Variants in SLC2A13 observed in about 807,000 individuals in gnomAD.
SLC2A13 encodes the protein proton myo-inositol cotransporter.
A neutral mutation model predicts 64.4 loss-of-function variants in SLC2A13; 32 were observed. That is an observed-to-expected ratio of 0.50 (90% CI 0.37 to 0.67). The LOEUF (loss-of-function observed/expected upper bound fraction) is 0.67. Among genes scored for constraint, SLC2A13 ranks in the 30% least tolerant of loss-of-function variants. The pLI, the probability that SLC2A13 is intolerant of heterozygous loss-of-function variation, is 0.00. For synonymous variants in SLC2A13, 338 were observed against 327.1 expected (o/e 1.03, Z -0.36); for missense variants, 743 against 829.2 (o/e 0.90, Z 1.28).
chr12:39,786,747 C>G (rs1421734933), intron 7 of SLC2A13, among the ~76,000 whole-genome samples: 5 of 152,200 alleles, frequency 3.3e-5, no homozygotes, highest in Non-Finnish European at 5.9e-5. Context: ...GAATCATTCT[C>G]TGTACTATCT....
chr12:39,896,103 T>C (rs1020263554), intron 4 of SLC2A13, among the ~76,000 whole-genome samples: 20 of 146,652 alleles, frequency 1.4e-4, no homozygotes, highest in African/African-American at 5.2e-4. Context: ...TACACGTGTA[T>C]ACATATATGA....
In SLC2A13 at chr12:39,959,775, AGG is replaced by A. The variant is rs1400524329; in HGVS notation, c.926-8412_926-8411del. 3.1e-4 allele frequency among the ~76,000 whole-genome samples: 47 copies of A among 152,352 alleles called. No homozygotes were observed. The East Asian group carries it at 8.7e-3, about 28-fold the overall frequency. On this transcript the variant is annotated intron_variant, in intron 3 of 9. Coordinates refer to ENST00000280871, the MANE Select transcript of SLC2A13 (RefSeq NM_052885.4). ...TTCTAGAAAACTTTTATTTAAAAAGAGGAAGTATCCTTTCTAAATAAATAATT... is the reference window on the plus strand; with the variant it reads ...TTCTAGAAAACTTTTATTTAAAAAGAAAGTATCCTTTCTAAATAAATAATT...
intron 3 of SLC2A13, among the ~76,000 whole-genome samples, chr12:39,961,724 C>G (rs1298961023): frequency 1.3e-5 from 2 of 151,742 alleles, no homozygotes; most frequent in East Asian, 2.0e-4. Flanking sequence ...TGGTCTCAAA[C>G]TCCTGGGCTC....
At position 39,836,594 on chromosome 12, in the gene SLC2A13, T is replaced by C. The variant is rs370273462; in HGVS notation, c.1320-6366A>G. On this transcript the variant is annotated intron_variant, in intron 6 of 9. Transcript: ENST00000280871. ...TGATTGTATATCTAGAAAACCCCAT[T>C]GTCTCAGCCCAAAATCTCCTTAAGC... Among the ~76,000 whole-genome samples the C allele has an allele frequency of 2.3e-4, 34 of 149,138 alleles. 1 individual carries two copies. Among genetic ancestry groups the C allele is most frequent in the South Asian group, 1.7e-3 (8 of 4,578 alleles).
chr12:39,994,945 T>TA (rs1391663950), intron 3 of SLC2A13, among the ~76,000 whole-genome samples: 1 of 152,200 alleles, frequency 6.6e-6, no homozygotes, highest in Admixed American at 6.5e-5. Flanking sequence ...ACTCAATACT[T>TA]AAACATCAAA....
intron 9 of SLC2A13, among the ~76,000 whole-genome samples, chr12:39,762,790 G>T (rs2135710599): frequency 6.6e-6 from 1 of 152,150 alleles, no homozygotes; most frequent in South Asian, 2.1e-4. Flanking sequence ...TCTACTACTA[G>T]AGAGTAGTAG....
In SLC2A13 at chr12:39,755,817, TA is replaced by T. The variant is rs1939956914; in HGVS notation, c.*4208del. 8 of 152,200 alleles carry T rather than the reference TA, an allele frequency of 5.3e-5. No homozygotes were observed. The South Asian group carries it at 1.7e-3, about 32-fold the overall frequency. 9.4% of individuals were successfully genotyped at this position (152,200 alleles called of 1,614,324 possible). On this transcript the variant is annotated 3_prime_UTR_variant, in exon 10 of 10. Transcript: ENST00000280871. ...TATTTTGTACATATAAAGATTTACA[TA>T]AATTATATTGTTTTAGCTCACTAGC...
At chr12:39,951,522 A>G (rs1385499863) in intron 3 of SLC2A13, among the ~76,000 whole-genome samples, 157 bp from the exon 4 acceptor site, 1 of 152,202 alleles carries the variant, frequency 6.6e-6, no homozygotes, top group Admixed American at 6.5e-5. Flanking sequence ...ATCTGGGTAC[A>G]ATATTTTATT....
At chr12:39,952,772 A>G (rs1380984532) in intron 3 of SLC2A13, among the ~76,000 whole-genome samples, 2 of 152,160 alleles carry the variant, frequency 1.3e-5, no homozygotes, top group African/African-American at 4.8e-5. Flanking sequence ...AAGCAGTATT[A>G]AAGCCTAATA....
At position 39,984,804 on chromosome 12, in the gene SLC2A13, G is replaced by A. The variant is rs113860438; in HGVS notation, c.926-33439C>T. ...CAGATATTTTTGTCAACATCTTTAC[G>A]GCTTTGTAAGTAGCAAAACACACAG... On this transcript the variant is annotated intron_variant, in intron 3 of 9. Transcript: ENST00000280871. Among the ~76,000 whole-genome samples the A allele has an allele frequency of 7.6e-3, 1,155 of 152,054 alleles. 8 individuals carry two copies. The highest frequency in any genetic ancestry group is 0.026 in the African/African-American group (1,071 of 41,470).
At chr12:39,925,336 T>C (rs1945707171) in intron 4 of SLC2A13, among the ~76,000 whole-genome samples, 1 of 152,078 alleles carries the variant, frequency 6.6e-6, no homozygotes. Flanking sequence ...CCTGGCCTTA[T>C]TATTCACATT....
At chr12:39,803,923 A>G (rs994865879) in intron 7 of SLC2A13, among the ~76,000 whole-genome samples, 3 of 152,178 alleles carry the variant, frequency 2.0e-5, no homozygotes, top group Non-Finnish European at 4.4e-5. Flanking sequence ...TTACACCTCT[A>G]TCAAGATACA....
chr12:39,906,588 T>C (rs1004940711), intron 4 of SLC2A13, among the ~76,000 whole-genome samples: 1 of 152,156 alleles, frequency 6.6e-6, no homozygotes, highest in African/African-American at 2.4e-5. Flanking sequence ...CTGTGAAAGT[T>C]AAACCTAGTT....
At chr12:39,991,184 C>T (rs1180909895) in intron 3 of SLC2A13, among the ~76,000 whole-genome samples, 1 of 152,164 alleles carries the variant, frequency 6.6e-6, no homozygotes, top group African/African-American at 2.4e-5. Flanking sequence ...TAGAACTGCC[C>T]ACAGTTTCTC....
chr12:39,975,006 A>G (rs1946735723), intron 3 of SLC2A13, among the ~76,000 whole-genome samples: 1 of 152,230 alleles, frequency 6.6e-6, no homozygotes, highest in Non-Finnish European at 1.5e-5. Context: ...CTTAAAGTTC[A>G]TATTAGCATC....
At chr12:40,091,045 C>T (rs901857728) in intron 1 of SLC2A13, among the ~76,000 whole-genome samples, 2 of 152,164 alleles carry the variant, frequency 1.3e-5, no homozygotes, top group African/African-American at 4.8e-5. Flanking sequence ...AAGCTATATG[C>T]TATAGCCTAC....
intron 4 of SLC2A13, among the ~76,000 whole-genome samples, chr12:39,940,404 G>T (rs188528935): frequency 6.6e-6 from 1 of 151,596 alleles, no homozygotes; most frequent in East Asian, 1.9e-4. Flanking sequence ...TCCTGATTGC[G>T]TGGTAATTTT....
intron 4 of SLC2A13, among the ~76,000 whole-genome samples, chr12:39,938,858 C>T (rs529314277): frequency 1.3e-5 from 2 of 152,264 alleles, no homozygotes; most frequent in Non-Finnish European, 2.9e-5. Flanking sequence ...AATTACCCTG[C>T]AGCCATCATG....
chr12:40,009,963 C>T (rs767949560), intron 3 of SLC2A13, among the ~76,000 whole-genome samples: 17 of 152,202 alleles, frequency 1.1e-4, no homozygotes, highest in Non-Finnish European at 2.1e-4. Flanking sequence ...CTATAAAAAA[C>T]TTGAAATTAT....
Sources: gnomAD v4.1 joint callset for allele counts (sites outside exome capture counted in the v4.1 genomes callset) on GRCh38, gnomAD v4.1.1 for gene constraint, MANE v1.5 for transcripts, NCBI Gene and HGNC (gene_info 2026-07-23, HGNC 2026-07-21) for gene names.